Variants in SORBS2 observed in about 807,000 individuals in gnomAD.
SORBS2 encodes sorbin and SH3 domain containing 2.
In SORBS2, 46 loss-of-function variants were observed where a neutral mutation model predicts 97.7. The observed-to-expected ratio is 0.47, with a 90% CI of 0.37 to 0.60. SORBS2 has a LOEUF of 0.60. Ranked by LOEUF, SORBS2 falls within the 20% of genes least tolerant of loss-of-function variation. The pLI is 0.00. For missense variants in SORBS2, 1,316 were observed against 1,282.3 expected, an observed-to-expected ratio of 1.03 and a Z score of -0.40; for synonymous variants, 476 against 473.4, an observed-to-expected ratio of 1.01 and a Z score of -0.07.
intron 2 of SORBS2, among the ~76,000 whole-genome samples, chr4:185,731,561 TG>T (rs1480876469): frequency 3.1e-3 from 205 of 65,942 alleles, no homozygotes; most frequent in Non-Finnish European, 4.6e-3. Flanking sequence ...CCTCCCTCCC[TG>T]CCTATCTCTC....
chr4:185,605,442 C>T (rs568421884), intron 12 of SORBS2, among the ~76,000 whole-genome samples: 17 of 152,044 alleles, frequency 1.1e-4, no homozygotes, highest in African/African-American at 4.1e-4. Context: ...AACACCATGT[C>T]TGACTAATTT....
chr4:185,955,447 A>G (rs1341054830), intron 1 of SORBS2, among the ~76,000 whole-genome samples: 4 of 152,214 alleles, frequency 2.6e-5, no homozygotes, highest in Non-Finnish European at 4.4e-5. Flanking sequence ...CTAACAGATA[A>G]TTGATGGGGC....
At chr4:185,707,878 C>T (rs554666043) in intron 2 of SORBS2, among the ~76,000 whole-genome samples, 5 of 152,192 alleles carry the variant, frequency 3.3e-5, no homozygotes, top group African/African-American at 9.7e-5. Flanking sequence ...TACCTCCCAC[C>T]GGATCCCTCC....
chr4:185,689,466 G>A (rs1301714214), intron 2 of SORBS2, among the ~76,000 whole-genome samples: 1 of 152,146 alleles, frequency 6.6e-6, no homozygotes, highest in Non-Finnish European at 1.5e-5. Context: ...AGTTGCCTTT[G>A]TGTGGTGCAT....
chr4:185,826,472 T>C (rs116344847), intron 1 of SORBS2, among the ~76,000 whole-genome samples: 11 of 152,350 alleles, frequency 7.2e-5, no homozygotes, highest in African/African-American at 2.6e-4. Flanking sequence ...CCCTGTGCAT[T>C]ATTCATAAAC....
chr4:185,937,223 A>G (rs2099269368), intron 1 of SORBS2, among the ~76,000 whole-genome samples: 1 of 152,188 alleles, frequency 6.6e-6, no homozygotes, highest in Admixed American at 6.5e-5. Context: ...CTGGAGGAGC[A>G]TGTTTCCTAC....
chr4:185,613,275 C>T (rs1428864969), intron 11 of SORBS2, among the ~76,000 whole-genome samples: 2 of 152,180 alleles, frequency 1.3e-5, no homozygotes, highest in Non-Finnish European at 2.9e-5. Flanking sequence ...TTGAGTAGCA[C>T]TTGGAAGTTC....
chr4:185,727,552 A>T (rs2153567173), intron 2 of SORBS2, among the ~76,000 whole-genome samples: 1 of 152,336 alleles, frequency 6.6e-6, no homozygotes, highest in Non-Finnish European at 1.5e-5. Context: ...CTTTTATCAG[A>T]TCATGTTTAC....
chr4:185,691,955 G>A lies in SORBS2; in HGVS notation c.-197-13133C>T, dbSNP rs142975202. On this transcript the variant is annotated intron_variant, in intron 2 of 20. Transcript: ENST00000284776. ...GTAGAGACAGGGTTTCACCATGTTA[G>A]CCAGGATGGCTACGATCTCCTGACC... Among the ~76,000 whole-genome samples, 718 of 152,320 alleles carry A rather than the reference G, an allele frequency of 4.7e-3. 6 individuals carry two copies. Among genetic ancestry groups the A allele is most frequent in the African/African-American group, 0.016 (686 of 41,582 alleles).
At chr4:185,923,472 AT>A (rs535695706) in intron 1 of SORBS2, among the ~76,000 whole-genome samples, 30 of 110,426 alleles carry the variant, frequency 2.7e-4, no homozygotes, top group South Asian at 5.9e-4. Context: ...CTTTTTTTTA[AT>A]TTTTTTTTTT....
chr4:185,954,598 C>A (rs1367862562), intron 1 of SORBS2, among the ~76,000 whole-genome samples: 1 of 152,160 alleles, frequency 6.6e-6, no homozygotes, highest in African/African-American at 2.4e-5. Flanking sequence ...TAAATGAATA[C>A]TGAATGAATA....
At chr4:185,894,266 G>T (rs2099243937) in intron 1 of SORBS2, 1 of 151,644 alleles carries the variant, frequency 6.6e-6, no homozygotes, top group Non-Finnish European at 1.5e-5. Context: ...AATGTTGGCA[G>T]GTGTTGGGGA....
At chr4:185,664,985 C>T (rs1425549283) in intron 4 of SORBS2, among the ~76,000 whole-genome samples, 4 of 151,996 alleles carry the variant, frequency 2.6e-5, no homozygotes, top group African/African-American at 9.7e-5. Flanking sequence ...ACATTTTAGC[C>T]ATTCACAGAT....
intron 2 of SORBS2, among the ~76,000 whole-genome samples, chr4:185,730,266 A>T (rs1364961320): frequency 6.7e-6 from 1 of 149,830 alleles, no homozygotes; most frequent in Non-Finnish European, 1.5e-5. Flanking sequence ...ACAAACCAGG[A>T]AAGTGTAATT....
At chr4:185,744,523 G>A (rs952215030) in intron 2 of SORBS2, among the ~76,000 whole-genome samples, 3 of 152,186 alleles carry the variant, frequency 2.0e-5, no homozygotes, top group African/African-American at 7.2e-5. Context: ...AATTATCATT[G>A]TTCAGATCAT....
chr4:185,825,727 A>G (rs112249072), intron 1 of SORBS2, among the ~76,000 whole-genome samples: 11 of 152,318 alleles, frequency 7.2e-5, no homozygotes, highest in African/African-American at 2.6e-4. Flanking sequence ...ATCATGATCT[A>G]GAGGCTAGAT....
At chr4:185,769,968 A>G (rs2098960121) in intron 2 of SORBS2, among the ~76,000 whole-genome samples, 1 of 151,372 alleles carries the variant, frequency 6.6e-6, no homozygotes, top group African/African-American at 2.4e-5. Context: ...TTTGGAGTAA[A>G]GGGCACTGTA....
At chr4:185,900,531 T>C (rs1470066412) in intron 1 of SORBS2, among the ~76,000 whole-genome samples, 1 of 152,202 alleles carries the variant, frequency 6.6e-6, no homozygotes, top group Non-Finnish European at 1.5e-5. Flanking sequence ...TAGAATCCCA[T>C]TTCTCATTAA....
chr4:185,790,132 TA>T (rs995728416), intron 1 of SORBS2, among the ~76,000 whole-genome samples: 45 of 151,530 alleles, frequency 3.0e-4, no homozygotes, highest in East Asian at 9.7e-4. Flanking sequence ...TTTTTTTTTT[TA>T]ATAGCATAGT....
Sources: gnomAD v4.1 joint callset for allele counts (sites outside exome capture counted in the v4.1 genomes callset) on GRCh38, gnomAD v4.1.1 for gene constraint, MANE v1.5 for transcripts, NCBI Gene and HGNC (gene_info 2026-07-23, HGNC 2026-07-21) for gene names.